SLC2A7: variants seen among roughly 807,000 people sequenced by gnomAD.
The protein encoded by SLC2A7 is solute carrier family 2, facilitated glucose transporter member 7.
In SLC2A7, 50 loss-of-function variants were observed where a neutral mutation model predicts 50.5. The observed-to-expected ratio is 0.99, with a 90% CI of 0.79 to 1.25. The LOEUF is 1.25. Among genes scored for constraint, SLC2A7 ranks in the 50% most tolerant of loss-of-function variants. The pLI is 0.00. For missense variants in SLC2A7, 683 were observed against 679.1 expected, an observed-to-expected ratio of 1.01 and a Z score of -0.06; for synonymous variants, 308 against 300.4, an observed-to-expected ratio of 1.03 and a Z score of -0.26.
downstream of SLC2A7, among the ~76,000 whole-genome samples, chr1:9,001,419 ATTTTTTTTTT>A (rs767748961): frequency 7.2e-5 from 9 of 124,324 alleles, no homozygotes; most frequent in African/African-American, 1.5e-4. Context: ...TGCAGGTGCT[ATTTTTTTTTT>A]TTTTTTTTTT....
downstream of SLC2A7, among the ~76,000 whole-genome samples, chr1:9,002,085 G>C (rs28846711): frequency 1.4e-5 from 1 of 73,542 alleles, no homozygotes; most frequent in Non-Finnish European, 3.1e-5. Context: ...ATTCTCCATT[G>C]TCGAGTACCC....
chr1:9,004,330 C>CAAA (rs1640619500), intron 11 of SLC2A7, among the ~76,000 whole-genome samples: 1 of 64,878 alleles, frequency 1.5e-5, no homozygotes, highest in East Asian at 3.9e-4. Context: ...AAGGCCCTGT[C>CAAA]TAAAAAAAAA....
chr1:9,025,578 C>A (rs571360994), intron 1 of SLC2A7, among the ~76,000 whole-genome samples: 4 of 152,036 alleles, frequency 2.6e-5, no homozygotes, highest in Non-Finnish European at 4.4e-5. Flanking sequence ...CCCTTTGAGC[C>A]GGGACCAGAA....
chr1:9,014,704 G>C lies in SLC2A7; in HGVS notation c.880C>G (p.Gln294Glu). Residue 294 changes from glutamine (Q) to glutamate (E), a missense_variant, in exon 7 of 12, where the codon CAG (glutamine) becomes GAG (glutamate). Gln to Glu is a conservative substitution (Grantham distance 29). Coordinates refer to ENST00000400906, the MANE Select transcript of SLC2A7 (RefSeq NM_207420.3). ...LLSIIVLMAG[Q>E]QLSGINAINY... Reference sequence around the variant, plus strand: ...ACCGCATTGATGCCCGACAGCTGCTGGCCGGCCATGAGCACGATGATGGAG... The same window carrying C: ...ACCGCATTGATGCCCGACAGCTGCTCGCCGGCCATGAGCACGATGATGGAG... 5 of 1,561,330 alleles carry C rather than the reference G, an allele frequency of 3.2e-6. No homozygotes were observed. Among genetic ancestry groups the C allele is most frequent in the Non-Finnish European group, 4.3e-6 (5 of 1,152,612 alleles).
downstream of SLC2A7, among the ~76,000 whole-genome samples, chr1:8,998,517 G>A (rs750945081): frequency 2.2e-4 from 33 of 152,118 alleles, no homozygotes; most frequent in Non-Finnish European, 4.0e-4. Context: ...TACAACAAAC[G>A]GTTTTGATTA....
rs141021827 is a variant in SLC2A7, at chr1:9,014,831, G to A, written c.753C>T (p.Ala251=). 368 of 1,605,016 alleles carry A rather than the reference G, an allele frequency of 2.3e-4. 1 individual carries two copies. In the African/African-American group the frequency reaches 4.0e-3, roughly 17 times the overall value. Residue 251 remains alanine (A), a synonymous_variant, in exon 7 of 12, where the codon GCC becomes GCT. Coordinates refer to ENST00000400906, the MANE Select transcript of SLC2A7 (RefSeq NM_207420.3). The part of the protein sequence containing the change: ...RRLRGHTDME[A]ELEDMRAEAR... ...CCTCCGCACGCATGTCCTCCAGCTCGGCCTCCATGTCCGTGTGGCCTCTCA... is the reference window on the plus strand; with the variant it reads ...CCTCCGCACGCATGTCCTCCAGCTCAGCCTCCATGTCCGTGTGGCCTCTCA...
At position 9,023,042 on chromosome 1, in the gene SLC2A7, G is replaced by T. The variant is rs148511942; in HGVS notation, c.187C>A (p.Arg63=). The stretch of plus-strand genomic sequence containing the variant: ...TTCCCGTCCATGAATGTTGCGTGTC[G>T]CTCAAAGTAGGTTTCGTTGTAAAAT... The part of the protein sequence containing the change: ...KSFYNETYFE[R]HATFMDGKLM... Residue 63 remains arginine (R), a synonymous_variant, in exon 3 of 12, where the codon CGA becomes AGA. Coordinates refer to ENST00000400906, the MANE Select transcript of SLC2A7 (RefSeq NM_207420.3). 1.9e-6 allele frequency: 3 copies of T among 1,613,980 alleles called. No individual in the cohort carries two copies. Among genetic ancestry groups the T allele is most frequent in the Admixed American group, 1.7e-5 (1 of 59,998 alleles).
the SLC2A7 span, among the ~76,000 whole-genome samples, chr1:8,992,542 TTTC>T: frequency 7.2e-5 from 11 of 152,306 alleles, no homozygotes; most frequent in South Asian, 2.1e-3. Flanking sequence ...TCTTTCTTTC[TTTC>T]TTTTTTGTGC....
intron 2 of SLC2A7, 23 bp from the exon 3 acceptor site, chr1:9,023,101 C>T (rs754403525): frequency 6.2e-7 from 1 of 1,608,690 alleles, no homozygotes; most frequent in Admixed American, 1.7e-5. Flanking sequence ...GCCCCATCCA[C>T]AGCTAAGAAT....
intron 10 of SLC2A7, among the ~76,000 whole-genome samples, chr1:9,005,849 G>A (rs1034509847): frequency 2.0e-5 from 3 of 151,614 alleles, no homozygotes; most frequent in Non-Finnish European, 4.4e-5. Flanking sequence ...TGGACATGGA[G>A]AAGAATTCAA....
chr1:9,006,350 T>C (rs61674483), intron 10 of SLC2A7, among the ~76,000 whole-genome samples: 10,110 of 152,166 alleles, frequency 0.066, 1,087 homozygotes, highest in African/African-American at 0.23. Context: ...TGGGTTCAAG[T>C]GATTATCCTG....
chr1:9,006,908 C>A (rs12164533), intron 10 of SLC2A7, among the ~76,000 whole-genome samples: 30,934 of 152,054 alleles, frequency 0.2, 3,431 homozygotes, highest in East Asian at 0.35. Flanking sequence ...TGGCAGTCAG[C>A]GGGGATAGAA....
At chr1:8,996,266 T>A in the SLC2A7 span, among the ~76,000 whole-genome samples, 1 of 152,126 alleles carries the variant, frequency 6.6e-6, no homozygotes, top group Non-Finnish European at 1.5e-5. Flanking sequence ...ACAACTGAAA[T>A]AATATAGTAG....
chr1:9,015,088 G>A, intron 6 of SLC2A7, 29 bp downstream of exon 6: 1 of 1,611,428 alleles, frequency 6.2e-7, no homozygotes, highest in South Asian at 1.1e-5. Flanking sequence ...GGTGGGCAGG[G>A]CCTGGGAGAG....
At chr1:9,018,661 C>A (rs771356996) in intron 4 of SLC2A7, among the ~76,000 whole-genome samples, 9 of 152,168 alleles carry the variant, frequency 5.9e-5, no homozygotes, top group South Asian at 2.1e-4. Flanking sequence ...TCCGTGTGTC[C>A]CTGGGACTTA....
chr1:9,012,591 A>G (rs1383116498), intron 8 of SLC2A7, among the ~76,000 whole-genome samples: 1 of 152,230 alleles, frequency 6.6e-6, no homozygotes, highest in African/African-American at 2.4e-5. Flanking sequence ...TGGGGAAAAT[A>G]CAAATAATAG....
At chr1:9,006,991 A>G (rs1441801937) in intron 10 of SLC2A7, among the ~76,000 whole-genome samples, 7 of 152,146 alleles carry the variant, frequency 4.6e-5, no homozygotes, top group African/African-American at 1.7e-4. Flanking sequence ...ATGTAAACCA[A>G]GGTGCCCCAG....
rs181210708 is a variant in SLC2A7 at position 9,024,797 on chromosome 1, C to T, written c.150+179G>A. Among the ~76,000 whole-genome samples the T allele has an allele frequency of 3.9e-5, 6 of 152,310 alleles. No individual in the cohort carries two copies. The East Asian group carries it at 7.7e-4, about 20-fold the overall frequency. ...CTCCAGGGGGAAACACCTCCTGCCA[C>T]GCCCTGGTCTCCAGGGGTGAGCATC... On this transcript the variant is annotated intron_variant, in intron 2 of 11. Coordinates refer to ENST00000400906, the MANE Select transcript of SLC2A7 (RefSeq NM_207420.3).
At position 9,015,236 on chromosome 1, in the gene SLC2A7, G is replaced by T; in HGVS notation, c.596C>A (p.Pro199Gln). 6.3e-7 allele frequency: 1 copy of T among 1,594,568 alleles called. No individual in the cohort carries two copies. Among genetic ancestry groups the T allele is most frequent in the Non-Finnish European group, 8.5e-7 (1 of 1,172,834 alleles). The change falls in exon 6 of 12, where the codon CCG becomes CAG. Residue 199 changes from proline to glutamine, a missense_variant. Coordinates refer to ENST00000400906, the MANE Select transcript of SLC2A7 (RefSeq NM_207420.3). ...QAILGNPAGW[P>Q]VLLALTGVPA... Reference sequence around the variant, plus strand: ...CACCCCTGTGAGCGCCAGAAGCACCGGCCAGCCTGCAAGGAGCCAAGGACT... The same window carrying T: ...CACCCCTGTGAGCGCCAGAAGCACCTGCCAGCCTGCAAGGAGCCAAGGACT...
Sources: gnomAD v4.1 joint callset for allele counts (sites outside exome capture counted in the v4.1 genomes callset) on GRCh38, gnomAD v4.1.1 for gene constraint, MANE v1.5 for transcripts, NCBI Gene and HGNC (gene_info 2026-07-23, HGNC 2026-07-21) for gene names.